The following NCOA1 variants were observed in gnomAD, a reference collection of about 807,000 sequenced individuals.
NCOA1 encodes Hin-2 protein.
Under a neutral mutation model 150.9 loss-of-function variants are expected in NCOA1, and 35 were observed. The observed-to-expected ratio is 0.23, with a 90% CI of 0.18 to 0.31. NCOA1 has a LOEUF of 0.31. NCOA1 is among the 10% of genes least tolerant of loss of function. The probability of loss-of-function intolerance (pLI) is 1.00; values close to 1 mark genes in which losing one functional copy is unlikely to be tolerated. For synonymous variants in NCOA1, 590 were observed against 630.0 expected (o/e 0.94, Z 0.95); for missense variants, 1,491 against 1,749.3 (o/e 0.85, Z 2.63).
At chr2:24,681,819 G>A (rs1417369695) in intron 7 of NCOA1, among the ~76,000 whole-genome samples, 1 of 150,510 alleles carries the variant, frequency 6.6e-6, no homozygotes, top group South Asian at 2.2e-4. Context: ...GGTTCACACC[G>A]TTCTCCTGCC....
chr2:24,665,771 C>A lies in NCOA1; in HGVS notation c.112C>A (p.Gln38Lys). Reference protein sequence around the residue: ...ASSTEKRRREQENKYLEELAE... With the variant: ...ASSTEKRRREKENKYLEELAE... Reference sequence around the variant, plus strand: ...CAGCACGGAAAAGAGGCGCAGGGAGCAAGAAAATAAATATTTAGAAGAACT... The same window carrying A: ...CAGCACGGAAAAGAGGCGCAGGGAGAAAGAAAATAAATATTTAGAAGAACT... Residue 38 changes from glutamine (Q) to lysine (K), a missense_variant, in exon 6 of 23, where the codon CAA becomes AAA. Around this residue, in one of 8 missense-constraint regions of NCOA1, gnomAD observed 80 missense variants for 163.0 expected, o/e 0.49. Coordinates refer to ENST00000348332, the MANE Select transcript of NCOA1 (RefSeq NM_003743.5). 1.3e-6 allele frequency: 2 copies of A among 1,588,516 alleles called. No homozygotes were observed. The highest frequency in any genetic ancestry group is 1.1e-5 in the South Asian group (1 of 87,210).
At chr2:24,525,261 C>T (rs894813234) in intron 1 of NCOA1, among the ~76,000 whole-genome samples, 6 of 152,034 alleles carry the variant, frequency 3.9e-5, no homozygotes, top group Admixed American at 3.3e-4. Context: ...GTCTCATTTT[C>T]CAAATTTGGG....
chr2:24,582,426 C>T (rs1238900274), intron 2 of NCOA1, among the ~76,000 whole-genome samples: 1 of 151,926 alleles, frequency 6.6e-6, no homozygotes, highest in Non-Finnish European at 1.5e-5. Context: ...ATAAAAACTA[C>T]AAAACACTGA....
intron 14 of NCOA1, among the ~76,000 whole-genome samples, chr2:24,716,358 A>G (rs1362839443): frequency 6.6e-6 from 1 of 152,182 alleles, no homozygotes; most frequent in Non-Finnish European, 1.5e-5. Flanking sequence ...AAATAGACAT[A>G]TAGATCAATG....
chr2:24,713,688 C>A (rs1673873819), intron 14 of NCOA1, among the ~76,000 whole-genome samples: 1 of 152,154 alleles, frequency 6.6e-6, no homozygotes, highest in Admixed American at 6.5e-5. Flanking sequence ...TGTGATCTCT[C>A]TGAGAAGGAA....
intron 2 of NCOA1, among the ~76,000 whole-genome samples, chr2:24,565,948 G>A (rs1171146506): frequency 6.6e-6 from 1 of 152,146 alleles, no homozygotes; most frequent in Non-Finnish European, 1.5e-5. Flanking sequence ...CTCCAAAGAG[G>A]GTGTCACTGC....
At chr2:24,605,536 T>A in intron 3 of NCOA1, among the ~76,000 whole-genome samples, 1 of 152,246 alleles carries the variant, frequency 6.6e-6, no homozygotes, top group Non-Finnish European at 1.5e-5. Flanking sequence ...AATTGAGCTA[T>A]GAGTATTCTT....
intron 3 of NCOA1, among the ~76,000 whole-genome samples, chr2:24,596,738 A>G (rs938865270): frequency 1.3e-5 from 2 of 152,198 alleles, no homozygotes; most frequent in Non-Finnish European, 2.9e-5. Context: ...ATTTTTGTGT[A>G]TACTTAAGAT....
chr2:24,627,466 C>T (rs571934477), intron 3 of NCOA1, among the ~76,000 whole-genome samples: 29 of 152,234 alleles, frequency 1.9e-4, no homozygotes, highest in African/African-American at 7.0e-4. Context: ...GTAAGACTGT[C>T]GTTGTCAGTT....
chr2:24,646,696 TTTC>T (rs1459213731), intron 4 of NCOA1, among the ~76,000 whole-genome samples: 2 of 151,308 alleles, frequency 1.3e-5, no homozygotes, highest in Non-Finnish European at 3.0e-5. Context: ...ATTTTTCTTT[TTTC>T]TTCTTTCTTT....
chr2:24,763,888 C>T (rs1664921924), intron 22 of NCOA1, among the ~76,000 whole-genome samples: 1 of 152,016 alleles, frequency 6.6e-6, no homozygotes. Context: ...TCCCAAAGTG[C>T]TAGGATTACA....
At chr2:24,616,908 G>A (rs1191812760) in intron 3 of NCOA1, among the ~76,000 whole-genome samples, 1 of 152,170 alleles carries the variant, frequency 6.6e-6, no homozygotes, top group African/African-American at 2.4e-5. Flanking sequence ...AATTGATTCT[G>A]AAAGCGATAC....
intron 1 of NCOA1, among the ~76,000 whole-genome samples, chr2:24,545,308 G>A (rs2148205681): frequency 6.6e-6 from 1 of 152,276 alleles, no homozygotes; most frequent in South Asian, 2.1e-4. Flanking sequence ...GGTTGGTAAA[G>A]GGATACAGGA....
At chr2:24,739,950 T>G (rs1226571320) in intron 18 of NCOA1, among the ~76,000 whole-genome samples, 1 of 152,116 alleles carries the variant, frequency 6.6e-6, no homozygotes, top group Non-Finnish European at 1.5e-5. Context: ...TTTTCTAGCT[T>G]GTATTTATTT....
intron 11 of NCOA1, among the ~76,000 whole-genome samples, chr2:24,701,914 G>A (rs908258165): frequency 1.3e-5 from 2 of 152,190 alleles, no homozygotes; most frequent in African/African-American, 4.8e-5. Flanking sequence ...GGAGTCTGAG[G>A]CAGGAGAATC....
In NCOA1 at chr2:24,768,560, G is replaced by A; in HGVS notation, c.*169G>A. The A allele has an allele frequency of 4.0e-6, 2 of 502,772 alleles. No individual in the cohort carries two copies. The highest frequency in any genetic ancestry group is 6.2e-6 in the Non-Finnish European group (2 of 322,418). 31.1% of individuals were successfully genotyped at this position (502,772 alleles called of 1,614,324 possible). ...AAAAAAAGGAGTTTGCTTTTGTCGG[G>A]AGATTGAAAGATGTTTTTGTTTCTT... On this transcript the variant is annotated 3_prime_UTR_variant, in exon 23 of 23. Transcript: ENST00000348332.
At chr2:24,536,316 C>T (rs918114206) in intron 1 of NCOA1, among the ~76,000 whole-genome samples, 12 of 152,190 alleles carry the variant, frequency 7.9e-5, no homozygotes, top group Admixed American at 6.5e-4. Context: ...AATTTAAGGT[C>T]TTCTCTACAC....
chr2:24,644,542 T>C (rs1670374485), intron 4 of NCOA1, among the ~76,000 whole-genome samples: 1 of 152,196 alleles, frequency 6.6e-6, no homozygotes, highest in Non-Finnish European at 1.5e-5. Context: ...CCATATAATA[T>C]ATACCTATGT....
intron 3 of NCOA1, among the ~76,000 whole-genome samples, chr2:24,643,053 G>A (rs1370150474): frequency 6.6e-6 from 1 of 152,190 alleles, no homozygotes; most frequent in African/African-American, 2.4e-5. Flanking sequence ...GTAGTTATAT[G>A]TATCTGTACA....
Sources: gnomAD v4.1 joint callset for allele counts (sites outside exome capture counted in the v4.1 genomes callset) on GRCh38, gnomAD v4.1.1 for gene constraint, gnomAD v4.1.1 regional missense constraint, MANE v1.5 for transcripts, NCBI Gene and HGNC (gene_info 2026-07-23, HGNC 2026-07-21) for gene names.